The following FBXO25 variants were observed in gnomAD, a reference collection of about 807,000 sequenced individuals.
FBXO25 encodes the protein F-box protein 25, also known as F-box only protein 25.
FBXO25 carries 45 observed loss-of-function variants against 51.9 expected under a neutral mutation model. The observed-to-expected ratio is 0.87, with a 90% CI of 0.68 to 1.11. FBXO25 has a LOEUF of 1.11. Among genes scored for constraint, FBXO25 ranks in the 50% most tolerant of loss-of-function variants. FBXO25 has a pLI of 0.00. For missense variants in FBXO25, 507 were observed against 428.5 expected (o/e 1.18, Z -1.62); for synonymous variants, 199 against 151.0 (o/e 1.32, Z -2.33).
chr8:431,267 A>G (rs1276180474), intron 2 of FBXO25, 74 bp from the exon 3 acceptor site: 9 of 761,494 alleles, frequency 1.2e-5, no homozygotes, highest in Non-Finnish European at 2.2e-6. Flanking sequence ...AAGTATTTAT[A>G]TCCTTTTACA....
chr8:451,641 A>G (rs1401327218), intron 7 of FBXO25, among the ~76,000 whole-genome samples, 188 bp downstream of exon 7: 1 of 152,242 alleles, frequency 6.6e-6, no homozygotes, highest in African/African-American at 2.4e-5. Flanking sequence ...TGCTATTGGA[A>G]AGACAGTGGG....
At position 473,264 on chromosome 8, in the gene FBXO25, C is replaced by T. The variant is rs1348741448; in HGVS notation, c.*4460C>T. 6.6e-6 allele frequency: 1 copy of T among 152,214 alleles called. No homozygotes were observed. Among genetic ancestry groups the T allele is most frequent in the Non-Finnish European group, 1.5e-5 (1 of 68,092 alleles). The allele number at this position is 152,214 out of a possible 1,614,324, so 9.4% of individuals were successfully genotyped here. ...AGGAGCTGCTCAGGTGTAGCCTCTG[C>T]CTTCAGAATTTCAGCAGGAACTGCA... is the stretch of plus-strand genomic sequence containing the variant. On this transcript the variant is annotated 3_prime_UTR_variant, in exon 10 of 10. Transcript: ENST00000350302.
intron 3 of FBXO25, among the ~76,000 whole-genome samples, chr8:432,306 C>A (rs1349272904): frequency 1.3e-5 from 2 of 152,128 alleles, no homozygotes; most frequent in Non-Finnish European, 2.9e-5. Context: ...TGTGAGATTT[C>A]ATGACACCAC....
intron 7 of FBXO25, among the ~76,000 whole-genome samples, chr8:453,878 C>G (rs954984152): frequency 6.6e-6 from 1 of 152,124 alleles, no homozygotes; most frequent in African/African-American, 2.4e-5. Flanking sequence ...ATCCCAGCCA[C>G]TTTGGGAGGC....
intron 7 of FBXO25, among the ~76,000 whole-genome samples, chr8:456,269 G>GC (rs1799423080): frequency 2.6e-5 from 4 of 152,148 alleles, no homozygotes; most frequent in African/African-American, 9.7e-5. Flanking sequence ...GAGTGCAGTG[G>GC]TTCAGTCATA....
In FBXO25 at chr8:450,072, T is replaced by G; in HGVS notation, c.464T>G (p.Ile155Ser). The G allele has an allele frequency of 6.2e-7, 1 of 1,611,366 alleles. No individual in the cohort carries two copies. The highest frequency in any genetic ancestry group is 8.5e-7 in the Non-Finnish European group (1 of 1,178,434). ...QKNYFNILDK[I>S]VQKVLDDHHN... ...AATTACTTCAACATTTTGGATAAAATCGTTCAAAAGGGTAAGATGATCACT... is the reference window on the plus strand; with the variant it reads ...AATTACTTCAACATTTTGGATAAAAGCGTTCAAAAGGGTAAGATGATCACT... Residue 155 changes from isoleucine to serine, a missense_variant, in exon 6 of 10, where the codon ATC becomes AGC. By Grantham distance (142) the Ile-to-Ser change is moderately radical. Transcript: ENST00000350302.
intron 4 of FBXO25, among the ~76,000 whole-genome samples, chr8:434,998 T>TG (rs1798019238): frequency 6.6e-6 from 1 of 152,186 alleles, no homozygotes; most frequent in Admixed American, 6.5e-5. Context: ...ATCCAGCACT[T>TG]GCCTTCAGCC....
Position 469,016 on chromosome 8 carries a change from A to C in FBXO25, c.*212A>C. 1.9e-6 allele frequency: 1 copy of C among 537,474 alleles called. No individual in the cohort carries two copies. The highest frequency in any genetic ancestry group is 3.3e-6 in the Non-Finnish European group (1 of 305,066). 33.3% of individuals were successfully genotyped at this position (537,474 alleles called of 1,614,324 possible). A position where few individuals can be genotyped will look rare whatever the true frequency, so the allele number is the denominator to read the frequency against. On this transcript the variant is annotated 3_prime_UTR_variant, in exon 10 of 10. Coordinates refer to ENST00000350302, the MANE Select transcript of FBXO25 (RefSeq NM_183420.2). ...AAGGAAATCATTTCTACTTCTTTAA[A>C]AACTCCTTCTAAGCATATTAAAATG...
chr8:458,862 G>A (rs1419611696), intron 8 of FBXO25, among the ~76,000 whole-genome samples: 1 of 152,130 alleles, frequency 6.6e-6, no homozygotes, highest in Non-Finnish European at 1.5e-5. Flanking sequence ...CTTTTCTCCT[G>A]ATTTGATGAA....
At chr8:468,017 G>T (rs1487840688) in intron 9 of FBXO25, 5 of 1,307,110 alleles carry the variant, frequency 3.8e-6, no homozygotes, top group Non-Finnish European at 4.9e-6. Flanking sequence ...ACAGCACCTG[G>T]TTTGGCAGCA....
chr8:458,482 G>A lies in FBXO25; in HGVS notation c.774G>A (p.Thr258=), dbSNP rs769201367. 17 of 1,614,010 alleles carry A rather than the reference G, an allele frequency of 1.1e-5. No individual in the cohort carries two copies. Among genetic ancestry groups the A allele is most frequent in the Middle Eastern group, 1.6e-4 (1 of 6,084 alleles). ...TCACCTTAGGCCAGGTGACCCCCAC[G>A]TTGTATATGCTTAGTGAAGACAGAC... is the stretch of plus-strand genomic sequence containing the variant. ...DIITLGQVTP[T]LYMLSEDRQL... is the part of the protein sequence containing the mutation. Residue 258 remains threonine, a synonymous_variant, in exon 8 of 10, where the codon ACG becomes ACA. Coordinates refer to ENST00000350302, the MANE Select transcript of FBXO25 (RefSeq NM_183420.2).
intron 5 of FBXO25, among the ~76,000 whole-genome samples, chr8:441,416 A>C (rs530014882): frequency 6.6e-6 from 1 of 152,358 alleles, no homozygotes; most frequent in Non-Finnish European, 1.5e-5. Flanking sequence ...TAAAAACCCT[A>C]CAAGAAAAGC....
intron 5 of FBXO25, among the ~76,000 whole-genome samples, chr8:438,897 G>A (rs538269139): frequency 2.0e-5 from 3 of 152,292 alleles, no homozygotes; most frequent in Admixed American, 6.5e-5. Context: ...CAGTGGCCAC[G>A]TGTTTAAGTT....
chr8:428,663 A>G (rs542067953), intron 2 of FBXO25, among the ~76,000 whole-genome samples: 2 of 152,182 alleles, frequency 1.3e-5, no homozygotes, highest in African/African-American at 4.8e-5. Flanking sequence ...CATCTTCCCA[A>G]ACTGAAACTC....
chr8:431,395 A>G lies in FBXO25; in HGVS notation c.189A>G (p.Ala63=). The change falls in exon 3 of 10, where the codon GCA becomes GCG. Residue 63 remains alanine, a synonymous_variant. Coordinates refer to ENST00000350302, the MANE Select transcript of FBXO25 (RefSeq NM_183420.2). ...TCAATAATGAAGAGCATGAATATGC[A>G]TCGAAAAAAAGGAAAAAGGACCATT... ...EIFNNEEHEY[A]SKKRKKDHFR... The G allele has an allele frequency of 1.3e-6, 2 of 1,556,148 alleles. No homozygotes were observed. The highest frequency in any genetic ancestry group is 1.7e-6 in the Non-Finnish European group (2 of 1,150,808).
intron 2 of FBXO25, among the ~76,000 whole-genome samples, chr8:423,623 T>C (rs1389306472): frequency 1.9e-4 from 29 of 152,218 alleles, no homozygotes; most frequent in Admixed American, 1.9e-3. Context: ...GGTGTGATTT[T>C]ATTCCTTTTT....
At chr8:446,819 A>T (rs535044152) in intron 5 of FBXO25, among the ~76,000 whole-genome samples, 47 of 152,288 alleles carry the variant, frequency 3.1e-4, no homozygotes, top group African/African-American at 7.9e-4. Flanking sequence ...CCCAAAGATT[A>T]TCATGTAATT....
At chr8:413,262 T>C in intron 2 of FBXO25, 49 bp downstream of exon 2, 2 of 1,458,244 alleles carry the variant, frequency 1.4e-6, no homozygotes, top group African/African-American at 1.4e-5. Flanking sequence ...TTAGCATGTA[T>C]GGCCTTACCT....
At chr8:452,400 G>T (rs1799152758) in intron 7 of FBXO25, among the ~76,000 whole-genome samples, 1 of 150,448 alleles carries the variant, frequency 6.6e-6, no homozygotes, top group Non-Finnish European at 1.5e-5. Flanking sequence ...GCTCTTCGCT[G>T]CCTCTTTTAC....
Sources: gnomAD v4.1 joint callset for allele counts (sites outside exome capture counted in the v4.1 genomes callset) on GRCh38, gnomAD v4.1.1 for gene constraint, MANE v1.5 for transcripts, NCBI Gene and HGNC (gene_info 2026-07-23, HGNC 2026-07-21) for gene names.